The following WDR44 variants were observed in gnomAD, a reference collection of about 807,000 sequenced individuals.
WDR44 encodes the protein WD repeat domain 44, also known as WD repeat-containing protein 44.
Under a neutral mutation model 65.7 loss-of-function variants are expected in WDR44, and 9 were observed. The ratio of observed to expected loss-of-function variants is 0.14; its 90% CI spans 0.08 to 0.24. The LOEUF (loss-of-function observed/expected upper bound fraction) is 0.24. Ranked by LOEUF, WDR44 falls within the 10% of genes least tolerant of loss-of-function variation. The pLI is 1.00. For missense variants in WDR44, 425 were observed against 670.9 expected, an observed-to-expected ratio of 0.63 and a Z score of 4.05; for synonymous variants, 220 against 235.2, an observed-to-expected ratio of 0.94 and a Z score of 0.59.
intron 2 of WDR44, among the ~76,000 whole-genome samples, chrX:118,382,651 T>C (rs764599079): frequency 9.3e-6 from 1 of 107,297 alleles, no homozygotes; most frequent in Non-Finnish European, 1.9e-5. Flanking sequence ...ACAAATACTT[T>C]GTTGGGTGTA....
At chrX:118,431,695 CT>C (rs2057212831) in intron 12 of WDR44, among the ~76,000 whole-genome samples, 1 of 112,119 alleles carries the variant, frequency 8.9e-6, no homozygotes, top group African/African-American at 3.2e-5. Flanking sequence ...ATCATCCTAC[CT>C]ACCTTTCCCT....
At chrX:118,444,907 T>C (rs775886867) in intron 19 of WDR44, 170 of 326,040 alleles carry the variant, frequency 5.2e-4, no homozygotes, top group Non-Finnish European at 8.8e-4. Flanking sequence ...ATTTCTTGTT[T>C]GCAACTTAAT....
intron 10 of WDR44, among the ~76,000 whole-genome samples, chrX:118,408,547 A>C (rs927511415): frequency 7.2e-5 from 8 of 110,711 alleles, no homozygotes; most frequent in Admixed American, 1.9e-4. Context: ...ACAGGTGCGC[A>C]CCACCATGCC....
At position 118,346,495 on chromosome X, in the gene WDR44, G is replaced by A; in HGVS notation, c.-9G>A. 6.6e-6 allele frequency: 8 copies of A among 1,208,186 alleles called. No individual in the cohort carries two copies. The highest frequency in any genetic ancestry group is 9.0e-6 in the Non-Finnish European group (8 of 893,344). The stretch of plus-strand genomic sequence containing the variant: ...CGCCGGCCCCCTCACCCGCGGGTGT[G>A]TCCTATAAATGGCGTCGGAAAGCGA... On this transcript the variant is annotated 5_prime_UTR_variant, in exon 1 of 20. Transcript: ENST00000254029.
At chrX:118,420,291 G>A (rs769462436) in intron 12 of WDR44, among the ~76,000 whole-genome samples, 3 of 110,248 alleles carry the variant, frequency 2.7e-5, no homozygotes, top group South Asian at 7.8e-4. Context: ...TCGCTCTGTC[G>A]CCGAGGCTGG....
chrX:118,432,987 A>T lies in WDR44; in HGVS notation c.1851+93A>T. 5 of 815,534 alleles carry T rather than the reference A, an allele frequency of 6.1e-6. No homozygotes were observed. In the South Asian group the frequency reaches 1.2e-4, roughly 20 times the overall value. 67.2% of individuals were successfully genotyped at this position (815,534 alleles called of 1,213,427 possible). ...CAGAATTTCTTCTCCGGGAAACCTCAGTTTTTTGTCTTAAGGCCTTCAACT... is the reference window on the plus strand; with the variant it reads ...CAGAATTTCTTCTCCGGGAAACCTCTGTTTTTTGTCTTAAGGCCTTCAACT... On this transcript the variant is annotated intron_variant, in intron 13 of 19. Transcript: ENST00000254029.
intron 11 of WDR44, among the ~76,000 whole-genome samples, chrX:118,410,215 C>T (rs2057001483): frequency 9.0e-6 from 1 of 110,965 alleles, no homozygotes; most frequent in Non-Finnish European, 1.9e-5. Flanking sequence ...TAAGTTTTTT[C>T]CACACCCTCC....
intron 3 of WDR44, among the ~76,000 whole-genome samples, chrX:118,388,696 A>T (rs1032325489): frequency 6.3e-5 from 7 of 111,855 alleles, no homozygotes; most frequent in African/African-American, 9.7e-5. Context: ...CCATTTTTTT[A>T]AAAAAATAAG....
intron 3 of WDR44, among the ~76,000 whole-genome samples, chrX:118,389,151 T>C (rs2056796515): frequency 8.9e-6 from 1 of 112,067 alleles, no homozygotes; most frequent in Non-Finnish European, 1.9e-5. Context: ...AATCACTTTT[T>C]AAGTTCTAGC....
chrX:118,366,465 C>T (rs1306063141), intron 1 of WDR44, among the ~76,000 whole-genome samples: 3 of 111,481 alleles, frequency 2.7e-5, no homozygotes, highest in African/African-American at 9.8e-5. Flanking sequence ...CAACAAAATT[C>T]AGACATGAGA....
intron 10 of WDR44, among the ~76,000 whole-genome samples, chrX:118,408,551 C>T (rs1945336994): frequency 1.8e-5 from 2 of 111,183 alleles, no homozygotes; most frequent in East Asian, 5.7e-4. Context: ...GTGCGCACCA[C>T]CATGCCTGGC....
intron 1 of WDR44, among the ~76,000 whole-genome samples, chrX:118,364,959 G>T (rs917477843): frequency 4.5e-5 from 5 of 112,028 alleles, no homozygotes; most frequent in Non-Finnish European, 7.5e-5. Flanking sequence ...CTTCTGGTTA[G>T]CCATCCTTAG....
At position 118,392,921 on chromosome X, in the gene WDR44, A is replaced by C; in HGVS notation, c.476A>C (p.Gln159Pro). ...GTAGATGAAACCACGAAGTTAACTC[A>C]AACAAGTTCAACTGAGCAGCTTAAT... Reference protein sequence around the residue: ...KPVDETTKLTQTSSTEQLNVL... With the variant: ...KPVDETTKLTPTSSTEQLNVL... Residue 159 changes from glutamine to proline, a missense_variant, in exon 4 of 20, where the codon CAA (glutamine) becomes CCA (proline). This residue lies in a region of WDR44 where 193 missense variants were observed against 209.0 expected (regional missense o/e 0.92). Coordinates refer to ENST00000254029, the MANE Select transcript of WDR44 (RefSeq NM_019045.5). The C allele has an allele frequency of 8.2e-7, 1 of 1,212,527 alleles. No homozygotes were observed. Among genetic ancestry groups the C allele is most frequent in the Non-Finnish European group, 1.1e-6 (1 of 895,705 alleles).
chrX:118,420,611 T>C (rs1471421646), intron 12 of WDR44, among the ~76,000 whole-genome samples: 1 of 111,814 alleles, frequency 8.9e-6, no homozygotes, highest in Non-Finnish European at 1.9e-5. Context: ...TTCTTCCCTG[T>C]ATTGCCTAAT....
chrX:118,448,124 TC>T (rs1414220105), intron 19 of WDR44, among the ~76,000 whole-genome samples: 1 of 109,889 alleles, frequency 9.1e-6, no homozygotes, highest in Non-Finnish European at 1.9e-5. Context: ...AAAGGAATGT[TC>T]AAAGGCTTAG....
At chrX:118,363,187 C>T (rs1292560427) in intron 1 of WDR44, among the ~76,000 whole-genome samples, 2 of 108,389 alleles carry the variant, frequency 1.8e-5, no homozygotes, top group East Asian at 5.8e-4. Flanking sequence ...CACCTGAGGT[C>T]AGGAGTTCAA....
chrX:118,431,795 A>T (rs1423973956), intron 12 of WDR44, among the ~76,000 whole-genome samples: 1 of 111,998 alleles, frequency 8.9e-6, no homozygotes, highest in Non-Finnish European at 1.9e-5. Flanking sequence ...TTACAGTTAG[A>T]TGACTTGTAT....
intron 4 of WDR44, among the ~76,000 whole-genome samples, chrX:118,393,499 G>A (rs1202835480): frequency 9.0e-6 from 1 of 110,701 alleles, no homozygotes; most frequent in Non-Finnish European, 1.9e-5. Flanking sequence ...GGCTGAGGCA[G>A]GAGAGTTGCT....
intron 1 of WDR44, among the ~76,000 whole-genome samples, chrX:118,374,381 A>G (rs2056639629): frequency 9.0e-6 from 1 of 111,430 alleles, no homozygotes; most frequent in Non-Finnish European, 1.9e-5. Flanking sequence ...CTACAAATGG[A>G]TTTAGAAATT....
Sources: allele counts gnomAD v4.1 joint callset (sites outside exome capture counted in the v4.1 genomes callset), GRCh38; gene constraint gnomAD v4.1.1; regional missense constraint gnomAD v4.1.1; transcripts MANE v1.5; gene names NCBI Gene and HGNC (gene_info 2026-07-23, HGNC 2026-07-21).